The following SNX2 variants were observed in gnomAD, a reference collection of about 807,000 sequenced individuals.
SNX2 encodes sorting nexin 2.
A neutral mutation model predicts 69.9 loss-of-function variants in SNX2; 25 were observed. The observed-to-expected ratio is 0.36, with a 90% CI of 0.26 to 0.50. SNX2 has a LOEUF of 0.50. Ranked by LOEUF, SNX2 falls within the 20% of genes least tolerant of loss-of-function variation. The pLI is 0.97. For missense variants in SNX2, 551 were observed against 613.3 expected, an observed-to-expected ratio of 0.90 and a Z score of 1.07; for synonymous variants, 229 against 200.4, an observed-to-expected ratio of 1.14 and a Z score of -1.20.
In SNX2 at chr5:122,832,988, C is replaced by T. The variant is rs1442116185; in HGVS notation, c.*3340C>T. ...ACCTGTGAAAAGGAAGTCCAAGTCA[C>T]TGGCTCAGGGACTTTGGAGGCATTT... On this transcript the variant is annotated 3_prime_UTR_variant, in exon 15 of 15. Coordinates refer to ENST00000379516, the MANE Select transcript of SNX2 (RefSeq NM_003100.4). 1 of 152,206 alleles carries T rather than the reference C, an allele frequency of 6.6e-6. No homozygotes were observed. The highest frequency in any genetic ancestry group is 2.4e-5 in the African/African-American group (1 of 41,446). 9.4% of individuals were successfully genotyped at this position (152,206 alleles called of 1,614,324 possible).
intron 11 of SNX2, among the ~76,000 whole-genome samples, chr5:122,819,746 G>A (rs1198031521): frequency 1.3e-5 from 2 of 152,076 alleles, no homozygotes; most frequent in African/African-American, 2.4e-5. Flanking sequence ...AGGGGTACTG[G>A]GTATTTACTT....
chr5:122,825,767 TATAAACC>T (rs1286449024), intron 11 of SNX2, among the ~76,000 whole-genome samples: 1 of 152,134 alleles, frequency 6.6e-6, no homozygotes, highest in African/African-American at 2.4e-5. Context: ...TTATAAATCT[TATAAACC>T]ATATTTAAAG....
At chr5:122,806,002 G>T (rs1753633772) in intron 6 of SNX2, among the ~76,000 whole-genome samples, 1 of 151,710 alleles carries the variant, frequency 6.6e-6, no homozygotes. Flanking sequence ...GGATGGTCTC[G>T]ATCTCCTGAG....
chr5:122,823,855 C>A (rs576110358), intron 11 of SNX2, among the ~76,000 whole-genome samples: 52 of 151,578 alleles, frequency 3.4e-4, no homozygotes, highest in African/African-American at 1.2e-3. Context: ...AGCTTTCCAA[C>A]ATGCGGCCGG....
chr5:122,806,432 T>C, intron 6 of SNX2, among the ~76,000 whole-genome samples: 1 of 152,244 alleles, frequency 6.6e-6, no homozygotes, highest in East Asian at 1.9e-4. Context: ...TTCTCCTGTT[T>C]GCTGGGAAGC....
chr5:122,789,448 C>CACACACAT (rs1446751345), intron 1 of SNX2, among the ~76,000 whole-genome samples: 1,326 of 114,750 alleles, frequency 0.012, 15 homozygotes, highest in African/African-American at 0.045. Context: ...CACATACACA[C>CACACACAT]ACACACACAC....
chr5:122,783,300 A>G (rs1042330218), intron 1 of SNX2, among the ~76,000 whole-genome samples: 1 of 152,150 alleles, frequency 6.6e-6, no homozygotes, highest in African/African-American at 2.4e-5. Context: ...GATGTTTAAC[A>G]TTAACATTTA....
At chr5:122,800,383 G>A (rs541632883) in intron 3 of SNX2, among the ~76,000 whole-genome samples, 6 of 152,188 alleles carry the variant, frequency 3.9e-5, no homozygotes, top group African/African-American at 7.2e-5. Context: ...GAAATATGTC[G>A]TTAAAATGAC....
In SNX2 at chr5:122,783,640, T is replaced by C. The variant is rs115241738; in HGVS notation, c.108+8429T>C. Among the ~76,000 whole-genome samples, 344 of 152,308 alleles carry C rather than the reference T, an allele frequency of 2.3e-3. 1 individual carries two copies. The highest frequency in any genetic ancestry group is 8.0e-3 in the African/African-American group (333 of 41,574). ...ATTTCTGTTTTGTTTCATTGATCTA[T>C]TGAGAATCCTTTCCCAGTCTACACT... On this transcript the variant is annotated intron_variant, in intron 1 of 14. Transcript: ENST00000379516.
chr5:122,784,901 A>G (rs1194603383), intron 1 of SNX2, among the ~76,000 whole-genome samples: 2 of 152,200 alleles, frequency 1.3e-5, no homozygotes, highest in South Asian at 2.1e-4. Flanking sequence ...GACAAATTCA[A>G]TTTTTTAAAT....
At chr5:122,813,767 C>CTTTT (rs546503535) in intron 7 of SNX2, among the ~76,000 whole-genome samples, 16 of 115,364 alleles carry the variant, frequency 1.4e-4, no homozygotes, top group Non-Finnish European at 2.6e-4. Context: ...AGAATATTTC[C>CTTTT]TTTTTTTTTT....
At chr5:122,779,814 G>T (rs923769459) in intron 1 of SNX2, among the ~76,000 whole-genome samples, 11 of 152,118 alleles carry the variant, frequency 7.2e-5, no homozygotes, top group African/African-American at 2.7e-4. Flanking sequence ...TGCCATGGTG[G>T]TTTGCTGCTC....
chr5:122,795,321 A>T lies in SNX2; in HGVS notation c.164A>T (p.Asn55Ile), dbSNP rs151068885. Residue 55 changes from asparagine (N) to isoleucine (I), a missense_variant, in exon 2 of 15, where the codon AAC (asparagine) becomes ATC (isoleucine). Asn to Ile is a moderately radical substitution (Grantham distance 149, BLOSUM62 -3). Around this residue, in one of 2 missense-constraint regions of SNX2, gnomAD observed 191 missense variants for 162.9 expected, o/e 1.17. Coordinates refer to ENST00000379516, the MANE Select transcript of SNX2 (RefSeq NM_003100.4). ...ASLPAEDISA[N>I]SNGPKPTEVV... ...CTTCCTGCAGAAGATATTAGTGCAAACTCCAATGGCCCAAAACCCACAGAA... is the reference window on the plus strand; with the variant it reads ...CTTCCTGCAGAAGATATTAGTGCAATCTCCAATGGCCCAAAACCCACAGAA... 1.0e-4 allele frequency: 162 copies of T among 1,613,666 alleles called. No homozygotes were observed. The African/African-American group carries it at 2.0e-3, about 20-fold the overall frequency.
chr5:122,820,799 G>A (rs1167374963), intron 11 of SNX2, among the ~76,000 whole-genome samples: 1 of 152,130 alleles, frequency 6.6e-6, no homozygotes, highest in Non-Finnish European at 1.5e-5. Flanking sequence ...CCCTGTTTGC[G>A]AGATTCAGAA....
Position 122,795,279 on chromosome 5 carries a change from C to T in SNX2, c.122C>T (p.Ser41Phe), listed in dbSNP as rs747641555. ...CTTTTTTAACAGTCAAGTCCATCAT[C>T]TCCAGAACCAGCTAGTCTTCCTGCA... ...TVSTLESSPSSPEPASLPAED... is the reference protein window; with the variant it reads ...TVSTLESSPSFPEPASLPAED... The change falls in exon 2 of 15, where the codon TCT becomes TTT. Residue 41 changes from serine to phenylalanine, a missense_variant. Transcript: ENST00000379516. 2 of 1,612,768 alleles carry T rather than the reference C, an allele frequency of 1.2e-6. No individual in the cohort carries two copies. Among genetic ancestry groups the T allele is most frequent in the Admixed American group, 3.3e-5 (2 of 59,964 alleles).
rs1754282705 is a variant in SNX2 at position 122,831,224 on chromosome 5, A to G, written c.*1576A>G. On this transcript the variant is annotated 3_prime_UTR_variant, in exon 15 of 15. Coordinates refer to ENST00000379516, the MANE Select transcript of SNX2 (RefSeq NM_003100.4). ...CTTAGCATGTGTTTGCTTCTGCTTT[A>G]GTTGAAATGTTAAGCCTTCTATAGG... is the stretch of plus-strand genomic sequence containing the variant. Among the ~76,000 whole-genome samples the G allele has an allele frequency of 6.6e-6, 1 of 152,152 alleles. No individual in the cohort carries two copies. Among genetic ancestry groups the G allele is most frequent in the African/African-American group, 2.4e-5 (1 of 41,432 alleles).
At chr5:122,785,107 T>G (rs1353068273) in intron 1 of SNX2, among the ~76,000 whole-genome samples, 1 of 152,154 alleles carries the variant, frequency 6.6e-6, no homozygotes, top group African/African-American at 2.4e-5. Flanking sequence ...TGTTTATTTA[T>G]GTATTTTGAT....
chr5:122,791,119 A>T (rs1282363921), intron 1 of SNX2, among the ~76,000 whole-genome samples: 4 of 131,686 alleles, frequency 3.0e-5, no homozygotes, highest in Non-Finnish European at 6.4e-5. Context: ...GGCTATTTCA[A>T]TTTTTTTTTT....
rs373589852 is a variant in SNX2 at position 122,775,087 on chromosome 5, C to A, written c.-17C>A. ...GTCCGCGAGGCCCAGCTCGCGCAGT[C>A]GTTCGGGTGAGCGAAGATGGCGGCC... On this transcript the variant is annotated 5_prime_UTR_variant, in exon 1 of 15. Transcript: ENST00000379516. The A allele has an allele frequency of 1.9e-6, 3 of 1,572,352 alleles. No homozygotes were observed. The highest frequency in any genetic ancestry group is 1.3e-5 in the African/African-American group (1 of 74,440).
Sources: gnomAD v4.1 joint callset for allele counts (sites outside exome capture counted in the v4.1 genomes callset) on GRCh38, gnomAD v4.1.1 for gene constraint, gnomAD v4.1.1 regional missense constraint, MANE v1.5 for transcripts, NCBI Gene and HGNC (gene_info 2026-07-23, HGNC 2026-07-21) for gene names.